BAIAP2: variants seen among roughly 807,000 people sequenced by gnomAD.
The protein encoded by BAIAP2 is BAR/IMD domain-containing adapter protein 2.
A neutral mutation model predicts 63.0 loss-of-function variants in BAIAP2; 18 were observed. That is an observed-to-expected ratio of 0.29 (90% confidence interval 0.20 to 0.42). The LOEUF is 0.42. Among genes scored for constraint, BAIAP2 ranks in the 10% least tolerant of loss-of-function variants. The probability of loss-of-function intolerance (pLI) is 1.00; values close to 1 mark genes in which losing one functional copy is unlikely to be tolerated. For synonymous variants in BAIAP2, 386 were observed against 307.6 expected (o/e 1.25, Z -2.67); for missense variants, 610 against 734.3 (o/e 0.83, Z 1.96).
At chr17:81,113,367 C>T (rs1443875171) in intron 13 of BAIAP2, among the ~76,000 whole-genome samples, 6 of 152,256 alleles carry the variant, frequency 3.9e-5, no homozygotes, top group African/African-American at 1.2e-4. Flanking sequence ...TGTCCTCCGG[C>T]AGGGACCAAT....
intron 12 of BAIAP2, chr17:81,107,895 CAAG>C (rs1361024833): frequency 1.3e-5 from 2 of 156,356 alleles, no homozygotes; most frequent in African/African-American, 4.8e-5. Flanking sequence ...CTGGGAGAGC[CAAG>C]GAGGGGTCTG....
intron 4 of BAIAP2, 120 bp downstream of exon 4, chr17:81,085,013 C>T: frequency 9.7e-7 from 1 of 1,030,470 alleles, no homozygotes; most frequent in Non-Finnish European, 1.5e-6. Flanking sequence ...CACTCGGAGG[C>T]AGGGAGGGAC....
intron 1 of BAIAP2, among the ~76,000 whole-genome samples, chr17:81,036,279 C>T (rs965273056): frequency 6.6e-6 from 1 of 152,236 alleles, no homozygotes; most frequent in African/African-American, 2.4e-5. Flanking sequence ...TGGGCGATCT[C>T]TTACAGATGT....
intron 1 of BAIAP2, among the ~76,000 whole-genome samples, chr17:81,037,153 A>C (rs1443142812): frequency 6.6e-6 from 1 of 152,252 alleles, no homozygotes; most frequent in African/African-American, 2.4e-5. Flanking sequence ...GACGCAGACC[A>C]GCTGGTCTGG....
At chr17:81,055,095 C>T (rs997570637) in intron 2 of BAIAP2, among the ~76,000 whole-genome samples, 4 of 152,224 alleles carry the variant, frequency 2.6e-5, no homozygotes, top group Non-Finnish European at 4.4e-5. Context: ...CCACCGCTTC[C>T]TGGTGTTGCG....
chr17:81,035,701 C>T (rs774166150), intron 1 of BAIAP2, among the ~76,000 whole-genome samples: 3 of 150,330 alleles, frequency 2.0e-5, no homozygotes, highest in Non-Finnish European at 2.9e-5. Flanking sequence ...CACACCCGGG[C>T]AGGGCCGGGG....
At chr17:81,047,927 C>G (rs2048072221) in intron 1 of BAIAP2, among the ~76,000 whole-genome samples, 1 of 152,244 alleles carries the variant, frequency 6.6e-6, no homozygotes, top group South Asian at 2.1e-4. Context: ...CACGCAGGCC[C>G]TAGGGGTGTG....
At chr17:81,040,867 G>C (rs1029348408) in intron 1 of BAIAP2, among the ~76,000 whole-genome samples, 1 of 152,216 alleles carries the variant, frequency 6.6e-6, no homozygotes, top group East Asian at 1.9e-4. Context: ...GGGGCTCTTG[G>C]TGTTGGTCCT....
intron 2 of BAIAP2, among the ~76,000 whole-genome samples, chr17:81,055,141 T>C (rs2049261341): frequency 6.6e-6 from 1 of 152,188 alleles, no homozygotes; most frequent in Non-Finnish European, 1.5e-5. Context: ...TTGTCCAGTT[T>C]TGGTGCCAGG....
rs747827317 is a variant in BAIAP2 at position 81,099,918 on chromosome 17, C to T, written c.490-10C>T. 1.9e-6 allele frequency: 3 copies of T among 1,611,046 alleles called. No individual in the cohort carries two copies. The African/African-American group carries it at 4.0e-5, about 22-fold the overall frequency. ...TCGCTGGCTGAGCCTTTCTCCCTTT[C>T]CCTCCACAGTACATCGACGCCATCA... On this transcript the variant is annotated splice_polypyrimidine_tract_variant and intron_variant, in intron 6 of 13. Transcript: ENST00000428708.
chr17:81,109,224 T>G (rs1297151006), intron 13 of BAIAP2: 3 of 1,376,922 alleles, frequency 2.2e-6, no homozygotes, highest in East Asian at 5.6e-5. Flanking sequence ...ATCCTGTGTG[T>G]CCCAGCCTTT....
At chr17:81,043,332 A>T (rs1028928286) in intron 1 of BAIAP2, among the ~76,000 whole-genome samples, 1 of 152,140 alleles carries the variant, frequency 6.6e-6, no homozygotes, top group Admixed American at 6.5e-5. Context: ...CCACCACGGA[A>T]AGCCCGTCCT....
chr17:81,080,676 C>T (rs1290575737), intron 3 of BAIAP2, among the ~76,000 whole-genome samples: 2 of 152,204 alleles, frequency 1.3e-5, no homozygotes, highest in Non-Finnish European at 2.9e-5. Context: ...TAGGGGAACA[C>T]GTGCTTGTTA....
intron 6 of BAIAP2, 59 bp from the exon 7 acceptor site, chr17:81,099,869 C>A: frequency 6.3e-7 from 1 of 1,584,018 alleles, no homozygotes; most frequent in Non-Finnish European, 8.6e-7. Flanking sequence ...CTGCCCCAAA[C>A]CGGTCCTGAC....
intron 3 of BAIAP2, among the ~76,000 whole-genome samples, chr17:81,079,503 T>G (rs2054235949): frequency 6.6e-6 from 1 of 152,044 alleles, no homozygotes; most frequent in Non-Finnish European, 1.5e-5. Context: ...TGTGCCCCCT[T>G]TCTAGCCCTC....
Position 81,115,785 on chromosome 17 carries a change from C to T in BAIAP2, c.1551C>T (p.His517=), listed in dbSNP as rs756049051. 33 of 1,613,436 alleles carry T rather than the reference C, an allele frequency of 2.0e-5. No individual in the cohort carries two copies. Among genetic ancestry groups the T allele is most frequent in the African/African-American group, 2.7e-5 (2 of 74,954 alleles). ...TCTCTTTCAGGAATCCCTTTGCCCACGTCCAGCTGAAGCCGACAGTGACCA... is the reference window on the plus strand; with the variant it reads ...TCTCTTTCAGGAATCCCTTTGCCCATGTCCAGCTGAAGCCGACAGTGACCA... The part of the protein sequence containing the change: ...ARSMSRNPFA[H]VQLKPTVTND... The change falls in exon 14 of 14, where the codon CAC becomes CAT. Residue 517 remains histidine (H), a synonymous_variant. Coordinates refer to ENST00000428708, the MANE Select transcript of BAIAP2 (RefSeq NM_001144888.2).
chr17:81,107,706 G>T (rs1461226360), intron 12 of BAIAP2: 1 of 152,368 alleles, frequency 6.6e-6, no homozygotes, highest in Non-Finnish European at 1.5e-5. Context: ...GTAGAGAGAA[G>T]AAGAGAACCC....
chr17:81,086,333 G>T, intron 5 of BAIAP2, 110 bp from the exon 6 acceptor site: 2 of 1,370,626 alleles, frequency 1.5e-6, no homozygotes, highest in East Asian at 2.3e-5. Context: ...GGCAGGGCTG[G>T]CAAGGGGACC....
intron 1 of BAIAP2, 48 bp downstream of exon 1, chr17:81,035,356 G>A (rs780639235): frequency 1.7e-6 from 2 of 1,180,410 alleles, no homozygotes; most frequent in African/African-American, 1.7e-5. Flanking sequence ...GTGCGCCTGG[G>A]TCGCGCGCCG....
Sources: gnomAD v4.1 joint callset for allele counts (sites outside exome capture counted in the v4.1 genomes callset) on GRCh38, gnomAD v4.1.1 for gene constraint, MANE v1.5 for transcripts, NCBI Gene and HGNC (gene_info 2026-07-23, HGNC 2026-07-21) for gene names.